Variants in RBFOX1 observed in about 807,000 individuals in gnomAD.
RBFOX1 encodes the protein RNA binding fox-1 homolog 1, also known as RNA binding protein fox-1 homolog 1.
In RBFOX1, 8 loss-of-function variants were observed where a neutral mutation model predicts 57.7. The ratio of observed to expected loss-of-function variants is 0.14; its 90% CI spans 0.08 to 0.25. RBFOX1 has a LOEUF of 0.25. Among genes scored for constraint, RBFOX1 ranks in the 10% least tolerant of loss-of-function variants. The pLI, the probability that RBFOX1 is intolerant of heterozygous loss-of-function variation, is 1.00. For synonymous variants in RBFOX1, 326 were observed against 222.4 expected, an observed-to-expected ratio of 1.47 and a Z score of -4.15; for missense variants, 611 against 548.5, an observed-to-expected ratio of 1.11 and a Z score of -1.14.
intron 1 of RBFOX1, among the ~76,000 whole-genome samples, chr16:6,266,222 C>G (rs188305352): frequency 4.9e-4 from 74 of 152,276 alleles, no homozygotes; most frequent in African/African-American, 1.6e-3. Context: ...TGTAGCAAAG[C>G]CATAGCTAAA....
At chr16:6,894,723 A>G (rs1454495039) in intron 3 of RBFOX1, among the ~76,000 whole-genome samples, 2 of 152,180 alleles carry the variant, frequency 1.3e-5, no homozygotes, top group East Asian at 3.9e-4. Flanking sequence ...ATTTTGTAAA[A>G]AGGTTACCAA....
At chr16:7,491,446 A>G (rs545536033) in intron 4 of RBFOX1, among the ~76,000 whole-genome samples, 69 of 133,950 alleles carry the variant, frequency 5.2e-4, no homozygotes, top group African/African-American at 1.7e-3. Context: ...AGGCAGGACT[A>G]GACACACCAA....
chr16:6,428,405 A>G (rs563107021), intron 2 of RBFOX1, among the ~76,000 whole-genome samples: 1 of 152,010 alleles, frequency 6.6e-6, no homozygotes, highest in African/African-American at 2.4e-5. Context: ...AGCAGTATTT[A>G]CTGGGTGGAA....
At chr16:5,590,750 G>C (rs2046981313) in intron 2 of RBFOX1, among the ~76,000 whole-genome samples, 1 of 152,206 alleles carries the variant, frequency 6.6e-6, no homozygotes, top group African/African-American at 2.4e-5. Context: ...AGCTCACACA[G>C]ATCAGTGGGA....
At chr16:6,230,349 A>G (rs1459903897) in intron 1 of RBFOX1, among the ~76,000 whole-genome samples, 3 of 152,180 alleles carry the variant, frequency 2.0e-5, no homozygotes, top group Non-Finnish European at 4.4e-5. Flanking sequence ...AGGAAAAAAT[A>G]TTTATTATCT....
intron 2 of RBFOX1, among the ~76,000 whole-genome samples, chr16:6,458,808 C>CA (rs1295765582): frequency 2.0e-5 from 3 of 152,178 alleles, no homozygotes; most frequent in Admixed American, 2.0e-4. Flanking sequence ...ATTTCTAGGA[C>CA]AAACACATCA....
In RBFOX1 at chr16:6,575,952, T is replaced by C. The variant is rs377400401; in HGVS notation, c.-63-78651T>C. Among the ~76,000 whole-genome samples, 10 of 152,108 alleles carry C rather than the reference T, an allele frequency of 6.6e-5. No homozygotes were observed. In the East Asian group the frequency reaches 1.2e-3, roughly 18 times the overall value. On this transcript the variant is annotated intron_variant, in intron 2 of 15. Coordinates refer to ENST00000550418, the MANE Select transcript of RBFOX1 (RefSeq NM_018723.4). Reference sequence around the variant, plus strand: ...CCAGTTTTTGATTAATCAGTGATGGTGGTGGTAGGCATGGTGCGTTACATC... The same window carrying C: ...CCAGTTTTTGATTAATCAGTGATGGCGGTGGTAGGCATGGTGCGTTACATC...
chr16:6,999,817 A>T (rs573398222), intron 3 of RBFOX1, among the ~76,000 whole-genome samples: 2 of 152,260 alleles, frequency 1.3e-5, no homozygotes, highest in Admixed American at 1.3e-4. Flanking sequence ...CATGCCTGTA[A>T]TCCCAGTATT....
Position 7,579,746 on chromosome 16 carries a change from G to T in RBFOX1, c.271-31G>T, listed in dbSNP as rs748591920. 2.0e-5 allele frequency: 32 copies of T among 1,613,756 alleles called. No individual in the cohort carries two copies. In the Admixed American group the frequency reaches 5.0e-4, roughly 25 times the overall value. On this transcript the variant is annotated intron_variant, in intron 5 of 15. Transcript: ENST00000550418. The stretch of plus-strand genomic sequence containing the variant: ...GGAAGAGAGCACTGTGGTCCACTGA[G>T]AACCTCTTCGGTTTCTTCTTGTTCT...
chr16:7,010,544 T>TTG, intron 3 of RBFOX1, among the ~76,000 whole-genome samples: 1 of 151,774 alleles, frequency 6.6e-6, no homozygotes, highest in Non-Finnish European at 1.5e-5. Context: ...CCCCTTTTTT[T>TTG]TTTGTTTGTT....
At chr16:6,549,032 G>A (rs909615248) in intron 2 of RBFOX1, among the ~76,000 whole-genome samples, 1 of 147,942 alleles carries the variant, frequency 6.8e-6, no homozygotes, top group African/African-American at 2.5e-5. Flanking sequence ...CTGAGATCAT[G>A]CCACTGCACT....
chr16:6,142,224 CTTTT>C (rs796460008), intron 1 of RBFOX1, among the ~76,000 whole-genome samples: 1 of 103,016 alleles, frequency 9.7e-6, no homozygotes, highest in Admixed American at 9.8e-5. Flanking sequence ...AAATCCAACT[CTTTT>C]TTTTTTTTTT....
downstream of RBFOX1, among the ~76,000 whole-genome samples, chr16:5,600,503 A>T (rs1398962441): frequency 6.6e-6 from 1 of 151,068 alleles, no homozygotes; most frequent in African/African-American, 2.4e-5. Context: ...AAAAAAAAAA[A>T]AAAAAAGTCT....
At chr16:6,877,042 C>T (rs938526939) in intron 3 of RBFOX1, among the ~76,000 whole-genome samples, 1 of 152,128 alleles carries the variant, frequency 6.6e-6, no homozygotes. Flanking sequence ...ATTAAATATT[C>T]ATATGTATAT....
At chr16:6,616,013 G>C (rs929213647) in intron 2 of RBFOX1, among the ~76,000 whole-genome samples, 1 of 152,094 alleles carries the variant, frequency 6.6e-6, no homozygotes, top group Admixed American at 6.6e-5. Context: ...ATATATAGAC[G>C]CAGGGACACT....
chr16:7,594,900 T>G (rs1321588637), intron 7 of RBFOX1, among the ~76,000 whole-genome samples: 2 of 152,216 alleles, frequency 1.3e-5, no homozygotes, highest in East Asian at 3.8e-4. Context: ...AACTGAAGTT[T>G]ATTTCTGTTC....
At chr16:5,579,638 G>A (rs2046593367) in intron 2 of RBFOX1, among the ~76,000 whole-genome samples, 2 of 152,096 alleles carry the variant, frequency 1.3e-5, no homozygotes, top group Admixed American at 1.3e-4. Context: ...GCCAACTCCT[G>A]CCATTCTTAG....
At chr16:5,331,357 A>G (rs928656953) in intron 1 of RBFOX1, among the ~76,000 whole-genome samples, 1 of 152,142 alleles carries the variant, frequency 6.6e-6, no homozygotes, top group African/African-American at 2.4e-5. Context: ...CATAATTACT[A>G]TGTTCTCTTG....
Position 7,393,514 on chromosome 16 carries a change from C to T in RBFOX1, c.28-124633C>T, listed in dbSNP as rs571429761. ...TAGGTCAGATTTCCTAGGGATAATGCCATGCCTGAGATGGGTGCAAGTGGT... is the reference window on the plus strand; with the variant it reads ...TAGGTCAGATTTCCTAGGGATAATGTCATGCCTGAGATGGGTGCAAGTGGT... On this transcript the variant is annotated intron_variant, in intron 4 of 15. Transcript: ENST00000550418. Among the ~76,000 whole-genome samples the T allele has an allele frequency of 1.1e-4, 16 of 152,208 alleles. No homozygotes were observed. The South Asian group carries it at 3.1e-3, about 30-fold the overall frequency.
Sources: gnomAD v4.1 joint callset for allele counts (sites outside exome capture counted in the v4.1 genomes callset) on GRCh38, gnomAD v4.1.1 for gene constraint, MANE v1.5 for transcripts, NCBI Gene and HGNC (gene_info 2026-07-23, HGNC 2026-07-21) for gene names.